Variants in VWF observed in about 807,000 individuals in gnomAD.
VWF encodes the protein Factor VIII related antigen.
A neutral mutation model predicts 308.6 loss-of-function variants in VWF; 176 were observed. The ratio of observed to expected loss-of-function variants is 0.57; its 90% confidence interval spans 0.50 to 0.65. VWF has a LOEUF of 0.65. Ranked by LOEUF, VWF falls within the 30% of genes least tolerant of loss-of-function variation. VWF has a pLI of 0.00. For missense variants in VWF, 3,146 were observed against 3,648.2 expected (o/e 0.86, Z 3.55); for synonymous variants, 1,385 against 1,443.4 (o/e 0.96, Z 0.92).
In VWF at chr12:6,105,304, T is replaced by C. The variant is rs554924354; in HGVS notation, c.532+5070A>G. On this transcript the variant is annotated intron_variant, in intron 5 of 51. Coordinates refer to ENST00000261405, the MANE Select transcript of VWF (RefSeq NM_000552.5). ...AGTGCAGTGGGGCGATCTCGGCTCATTGCAACCTCCGTCCCCTGGGTTCAA... is the reference window on the plus strand; with the variant it reads ...AGTGCAGTGGGGCGATCTCGGCTCACTGCAACCTCCGTCCCCTGGGTTCAA... Among the ~76,000 whole-genome samples the C allele has an allele frequency of 6.6e-5, 10 of 152,208 alleles. No individual in the cohort carries two copies. The South Asian group carries it at 2.1e-3, about 32-fold the overall frequency.
In VWF at chr12:6,052,788, AAG is replaced by A; in HGVS notation, c.1946-7_1946-6del. The stretch of plus-strand genomic sequence containing the variant: ...GGCCTTTCGGGCAGTTCAGCTCTAG[AAG>A]AGAGAGGAGAAGTAAGGCCTCAGCG... On this transcript the variant is annotated splice_polypyrimidine_tract_variant and splice_region_variant and intron_variant, in intron 15 of 51. Coordinates refer to ENST00000261405, the MANE Select transcript of VWF (RefSeq NM_000552.5). 1 of 1,504,806 alleles carries A rather than the reference AAG, an allele frequency of 6.6e-7. No homozygotes were observed. The highest frequency in any genetic ancestry group is 2.4e-5 in the East Asian group (1 of 41,748). 93.2% of individuals were successfully genotyped at this position (1,504,806 alleles called of 1,614,324 possible). A position where few individuals can be genotyped will look rare whatever the true frequency, so the allele number is the denominator to read the frequency against.
Position 6,057,082 on chromosome 12 carries a change from G to C in VWF, c.1730-10C>G. On this transcript the variant is annotated splice_polypyrimidine_tract_variant and intron_variant, in intron 14 of 51. Transcript: ENST00000261405. ...TCCTCGGAGAACCTGGCTGTGGGGC[G>C]AGAGGAGCGAGCCTGGGATGTGGTG... The C allele has an allele frequency of 6.5e-7, 1 of 1,531,428 alleles. No individual in the cohort carries two copies. The highest frequency in any genetic ancestry group is 8.7e-7 in the Non-Finnish European group (1 of 1,144,982). The allele number at this position is 1,531,428 out of a possible 1,614,324, so 94.9% of individuals were successfully genotyped here.
chr12:5,987,465 C>T (rs1372748652), intron 38 of VWF, among the ~76,000 whole-genome samples: 2 of 152,234 alleles, frequency 1.3e-5, no homozygotes, highest in South Asian at 4.1e-4. Flanking sequence ...TGGCCCCAGA[C>T]ACCACAGGCC....
At chr12:6,039,493 C>T (rs1944374080) in intron 18 of VWF, among the ~76,000 whole-genome samples, 1 of 152,230 alleles carries the variant, frequency 6.6e-6, no homozygotes, top group Admixed American at 6.5e-5. Context: ...CAGCTGAACT[C>T]AGCCAGAAGC....
At chr12:6,032,875 TACACAC>T (rs796891068) in intron 20 of VWF, among the ~76,000 whole-genome samples, 1 of 143,194 alleles carries the variant, frequency 7.0e-6, no homozygotes, top group Non-Finnish European at 1.5e-5. Flanking sequence ...CATGTACTCA[TACACAC>T]ACACACGCAT....
intron 6 of VWF, chr12:6,095,259 G>A: frequency 1.4e-6 from 1 of 737,442 alleles, no homozygotes; most frequent in South Asian, 1.5e-5. Flanking sequence ...ACTACACCAA[G>A]TCATTAGCCC....
chr12:5,981,680 T>G, intron 42 of VWF, 106 bp downstream of exon 42: 2 of 1,237,772 alleles, frequency 1.6e-6, no homozygotes, highest in Non-Finnish European at 2.3e-6. Flanking sequence ...AAATATTGGA[T>G]GGGTAGGTGG....
At chr12:5,953,674 C>A (rs1473006847) in intron 47 of VWF, 80 bp from the exon 48 acceptor site, 2 of 1,085,110 alleles carry the variant, frequency 1.8e-6, no homozygotes, top group African/African-American at 1.5e-5. Context: ...TTTTGCTGGC[C>A]TCTCATCTCT....
Position 5,949,865 on chromosome 12 carries a change from T to C in VWF, c.8174A>G (p.Asn2725Ser), listed in dbSNP as rs530699221. 2 of 1,613,740 alleles carry C rather than the reference T, an allele frequency of 1.2e-6. No individual in the cohort carries two copies. Among genetic ancestry groups the C allele is most frequent in the East Asian group, 4.5e-5 (2 of 44,880 alleles). ...ATACTGCAGCCTGGCAGTGATGTCG[T>C]TGCACTCAGGCTCCTCACCTACAGG... ...CCDTCEEPECNDITARLQYVK... is the reference protein window; with the variant it reads ...CCDTCEEPECSDITARLQYVK... The change falls in exon 51 of 52, where the codon AAC becomes AGC. Residue 2725 changes from asparagine (N) to serine (S), a missense_variant. Asn to Ser is a conservative substitution (Grantham distance 46). This residue lies in a region of VWF where 989 missense variants were observed against 1,117.4 expected (regional missense o/e 0.89). Transcript: ENST00000261405.
chr12:6,030,373 G>A (rs1218597308), intron 21 of VWF, among the ~76,000 whole-genome samples: 1 of 152,118 alleles, frequency 6.6e-6, no homozygotes, highest in Admixed American at 6.5e-5. Context: ...CTTCCATAAT[G>A]GTGAAGAATT....
chr12:6,037,282 G>A, intron 18 of VWF, among the ~76,000 whole-genome samples: 1 of 152,108 alleles, frequency 6.6e-6, no homozygotes, highest in Non-Finnish European at 1.5e-5. Flanking sequence ...TAAAGAAAAT[G>A]AACACTATAT....
intron 2 of VWF, among the ~76,000 whole-genome samples, chr12:6,121,995 C>T (rs1274206164): frequency 1.3e-5 from 2 of 151,770 alleles, no homozygotes; most frequent in Non-Finnish European, 2.9e-5. Flanking sequence ...TGTAACCCAA[C>T]ATTCAGCGAT....
intron 21 of VWF, among the ~76,000 whole-genome samples, chr12:6,030,295 G>A (rs577841561): frequency 6.6e-6 from 1 of 152,318 alleles, no homozygotes; most frequent in African/African-American, 2.4e-5. Flanking sequence ...CCTAAATAGA[G>A]CTGTTCTTTG....
At chr12:6,113,724 C>T (rs540396389) in intron 3 of VWF, among the ~76,000 whole-genome samples, 6 of 152,318 alleles carry the variant, frequency 3.9e-5, no homozygotes, top group East Asian at 3.9e-4. Flanking sequence ...TGTCGAAAAA[C>T]CAAACAAATG....
At position 6,001,827 on chromosome 12, in the gene VWF, T is replaced by A. The variant is rs542377453; in HGVS notation, c.5843-5605A>T. Among the ~76,000 whole-genome samples the A allele has an allele frequency of 2.0e-3, 310 of 152,214 alleles. 1 individual carries two copies. The highest frequency in any genetic ancestry group is 6.8e-3 in the African/African-American group (283 of 41,546). On this transcript the variant is annotated intron_variant, in intron 34 of 51. Transcript: ENST00000261405. ...GAGAATACACCTTCACAAAAACTGA[T>A]CATGTATTAGATCACGAAGAAAATA...
At chr12:6,049,474 C>T (rs1410625062) in intron 16 of VWF, among the ~76,000 whole-genome samples, 1 of 152,188 alleles carries the variant, frequency 6.6e-6, no homozygotes, top group African/African-American at 2.4e-5. Flanking sequence ...ACAGTTGCTG[C>T]CCTCCCAAGT....
At position 5,996,033 on chromosome 12, in the gene VWF, G is replaced by A; in HGVS notation, c.6032C>T (p.Ala2011Val). ...GTCACTGTGCAGCTCGACGGAGAGG[G>A]CACTGTGCTTCACCTCGATGGATTT... ...CMKSIEVKHS[A>V]LSVELHSDME... The change falls in exon 35 of 52, where the codon GCC becomes GTC. Residue 2011 changes from alanine (A) to valine (V), a missense_variant. By Grantham distance (64) the Ala-to-Val change is moderately conservative (BLOSUM62 0). Transcript: ENST00000261405. 6.2e-7 allele frequency: 1 copy of A among 1,613,330 alleles called. No individual in the cohort carries two copies. The highest frequency in any genetic ancestry group is 2.2e-5 in the East Asian group (1 of 44,874).
chr12:6,026,666 A>G (rs1414366200), intron 22 of VWF, among the ~76,000 whole-genome samples: 1 of 152,226 alleles, frequency 6.6e-6, no homozygotes, highest in Non-Finnish European at 1.5e-5. Flanking sequence ...AAAACTACAC[A>G]AAGAGGAGGG....
At chr12:6,104,289 G>A (rs1192601755) in intron 5 of VWF, among the ~76,000 whole-genome samples, 2 of 151,716 alleles carry the variant, frequency 1.3e-5, no homozygotes, top group Non-Finnish European at 2.9e-5. Flanking sequence ...ATGTTGGCAA[G>A]GATGAGGAAA....
Sources: gnomAD v4.1 joint callset for allele counts (sites outside exome capture counted in the v4.1 genomes callset) on GRCh38, gnomAD v4.1.1 for gene constraint, gnomAD v4.1.1 regional missense constraint, MANE v1.5 for transcripts, NCBI Gene and HGNC (gene_info 2026-07-23, HGNC 2026-07-21) for gene names.